Variants in GPR137 observed in about 807,000 individuals in gnomAD.
GPR137 encodes integral membrane protein GPR137.
In GPR137, 20 loss-of-function variants were observed where a neutral mutation model predicts 38.9. The ratio of observed to expected loss-of-function variants is 0.51; its 90% CI spans 0.36 to 0.75. GPR137 has a LOEUF of 0.75. GPR137 is among the 30% of genes least tolerant of loss of function. The pLI, the probability that GPR137 is intolerant of heterozygous loss-of-function variation, is 0.00. For synonymous variants in GPR137, 226 were observed against 235.8 expected (o/e 0.96, Z 0.38); for missense variants, 456 against 526.4 (o/e 0.87, Z 1.31).
At chr11:64,272,183 G>C (rs1034897653), upstream of GPR137, among the ~76,000 whole-genome samples, 8 of 152,174 alleles carry the variant, frequency 5.3e-5, no homozygotes, top group African/African-American at 1.9e-4. Flanking sequence ...GCTGGGCATA[G>C]TGGCACGTGC....
At chr11:64,277,308 G>A (rs2033142141) in intron 2 of GPR137, among the ~76,000 whole-genome samples, 1 of 152,188 alleles carries the variant, frequency 6.6e-6, no homozygotes, top group African/African-American at 2.4e-5. Flanking sequence ...TCCGCCTCCG[G>A]CACCTGTAGG....
chr11:64,286,351 G>A lies in GPR137; in HGVS notation c.-174G>A. The A allele has an allele frequency of 7.1e-7, 1 of 1,402,108 alleles. No homozygotes were observed. The highest frequency in any genetic ancestry group is 9.2e-7 in the Non-Finnish European group (1 of 1,083,790). The allele number at this position is 1,402,108 out of a possible 1,614,324, so 86.9% of individuals were successfully genotyped here. A position where few individuals can be genotyped will look rare whatever the true frequency, so the allele number is the denominator to read the frequency against. On this transcript the variant is annotated 5_prime_UTR_variant, in exon 1 of 7. Transcript: ENST00000438980. ...GGCCCAGGCTGCCTGTGTTCCCCAAGGGCAAGGGTCTCTCTGTTGAGGAGG... is the reference window on the plus strand; with the variant it reads ...GGCCCAGGCTGCCTGTGTTCCCCAAAGGCAAGGGTCTCTCTGTTGAGGAGG...
In GPR137 at chr11:64,288,122, A is replaced by G; in HGVS notation, c.691A>G (p.Ser231Gly). 1 of 1,612,644 alleles carries G rather than the reference A, an allele frequency of 6.2e-7. No individual in the cohort carries two copies. The highest frequency in any genetic ancestry group is 1.7e-5 in the Admixed American group (1 of 60,026). Residue 231 changes from serine (S) to glycine (G), a missense_variant, in exon 4 of 7, where the codon AGC becomes GGC. Physicochemically the swap from Ser to Gly is moderately conservative, Grantham distance 56. Transcript: ENST00000438980. This position sits in a 1 kb window ranked among gnomAD's most constrained non-coding sequence, Gnocchi z 5.5. ...TGGCGCCATGGTCCTGCTCTATGCC[A>G]GCCGGGCCTGCTACAACCTGACAGC... ...MGGAMVLLYA[S>G]RACYNLTALA...
chr11:64,282,988 G>A (rs573477088), upstream of GPR137, among the ~76,000 whole-genome samples: 7 of 149,612 alleles, frequency 4.7e-5, no homozygotes, highest in African/African-American at 1.3e-4. Context: ...CAGAAGTTCC[G>A]GGCTGCAGTG....
chr11:64,282,210 C>T (rs142061195), upstream of GPR137, among the ~76,000 whole-genome samples: 654 of 152,304 alleles, frequency 4.3e-3, 2 homozygotes, highest in Non-Finnish European at 4.8e-3. Context: ...TGAGCACTCA[C>T]TGTGTGGCGC....
chr11:64,276,737 C>T (rs2033094409), intron 2 of GPR137: 2 of 585,720 alleles, frequency 3.4e-6, no homozygotes, highest in Non-Finnish European at 6.1e-6. Flanking sequence ...GCCAGACTCT[C>T]CCTTCTCTGG....
At chr11:64,270,599 G>A in exon 1 of GPR137, 1 of 684,376 alleles carries the variant, frequency 1.5e-6, no homozygotes, top group Non-Finnish European at 2.7e-6. Context: ...AAAGGCCAGA[G>A]CTGGAGACCT....
upstream of GPR137, among the ~76,000 whole-genome samples, chr11:64,283,017 G>C (rs1032371408): frequency 2.6e-5 from 4 of 152,116 alleles, no homozygotes; most frequent in Non-Finnish European, 4.4e-5. Flanking sequence ...TCGCACCTCT[G>C]TACTCCCTCC....
intron 2 of GPR137, among the ~76,000 whole-genome samples, chr11:64,278,143 A>T (rs1481856816): frequency 3.3e-5 from 5 of 152,212 alleles, no homozygotes; most frequent in African/African-American, 1.2e-4. Context: ...AAAATAAAAA[A>T]ATTAGCCAGG....
At position 64,286,313 on chromosome 11, in the gene GPR137, G is replaced by A. The variant is rs956597178; in HGVS notation, c.-212G>A. The stretch of plus-strand genomic sequence containing the variant: ...AGAGACTGCCCTTCCATGCCCCTGA[G>A]TGAGGGGCCTGGGGCCCAGGCTGCC... On this transcript the variant is annotated 5_prime_UTR_variant, in exon 1 of 7. The change creates a new upstream start codon in the 5' untranslated region. Transcript: ENST00000438980. The A allele has an allele frequency of 1.4e-5, 20 of 1,402,570 alleles. No individual in the cohort carries two copies. In the Admixed American group the frequency reaches 2.2e-4, roughly 15 times the overall value. 86.9% of individuals were successfully genotyped at this position (1,402,570 alleles called of 1,614,324 possible).
At chr11:64,280,113 C>A (rs754472473), upstream of GPR137, among the ~76,000 whole-genome samples, 1 of 151,384 alleles carries the variant, frequency 6.6e-6, no homozygotes, top group Admixed American at 6.6e-5. Flanking sequence ...GTCAGGAGAT[C>A]GAGACCATCC....
upstream of GPR137, chr11:64,284,503 C>T: frequency 1.3e-6 from 2 of 1,567,830 alleles, no homozygotes; most frequent in Admixed American, 3.6e-5. Flanking sequence ...GCCTCCTGGG[C>T]CCTCATCTGT....
At chr11:64,280,513 G>A (rs1466979532), upstream of GPR137, among the ~76,000 whole-genome samples, 5 of 141,530 alleles carry the variant, frequency 3.5e-5, no homozygotes, top group East Asian at 2.3e-4. Flanking sequence ...CACCACGCCC[G>A]GCTAATTTTT....
chr11:64,282,404 C>A (rs1310280549), upstream of GPR137, among the ~76,000 whole-genome samples: 1 of 152,002 alleles, frequency 6.6e-6, no homozygotes, highest in Non-Finnish European at 1.5e-5. Context: ...GAATTCGAGA[C>A]AAGACTGGGC....
intron 2 of GPR137, among the ~76,000 whole-genome samples, chr11:64,278,702 C>T (rs1404887301): frequency 6.6e-6 from 1 of 152,226 alleles, no homozygotes; most frequent in Non-Finnish European, 1.5e-5. Context: ...CCACTGTCCA[C>T]ACCTGTTTCA....
chr11:64,287,437 A>G, intron 2 of GPR137: 1 of 690,692 alleles, frequency 1.4e-6, no homozygotes, highest in Non-Finnish European at 1.8e-6. Flanking sequence ...TTGAGAGATG[A>G]AGAAACTGAG....
In GPR137 at chr11:64,288,379, G is replaced by A. The variant is rs762903268; in HGVS notation, c.823G>A (p.Val275Ile). 5.0e-6 allele frequency: 8 copies of A among 1,613,810 alleles called. No homozygotes were observed. In the African/African-American group the frequency reaches 9.3e-5, roughly 19 times the overall value. Residue 275 changes from valine to isoleucine, a missense_variant, in exon 5 of 7, where the codon GTA becomes ATA. By Grantham distance (29) the Val-to-Ile change is conservative. Coordinates refer to ENST00000438980, the MANE Select transcript of GPR137 (RefSeq NM_001170880.2). This position sits in a 1 kb window ranked among gnomAD's most constrained non-coding sequence, Gnocchi z 5.5. ...VNDLGNKGYL[V>I]FGLILFVWEL... Reference sequence around the variant, plus strand: ...TGACCTGGGGAACAAAGGCTACCTGGTATTTGGCCTCATCCTCTTCGTGTG... The same window carrying A: ...TGACCTGGGGAACAAAGGCTACCTGATATTTGGCCTCATCCTCTTCGTGTG...
intron 2 of GPR137, among the ~76,000 whole-genome samples, chr11:64,278,125 C>T (rs1022944654): frequency 1.3e-5 from 2 of 151,982 alleles, no homozygotes; most frequent in East Asian, 1.9e-4. Flanking sequence ...CTTGTCTCTA[C>T]AAAAATTAAA....
Position 64,289,142 on chromosome 11 carries a change from G to C in GPR137, c.1137G>C (p.Gln379His), listed in dbSNP as rs2034499370. The part of the protein sequence containing the change: ...QTKTTPLLFS[Q>H]VPGPGGHHHS... Reference sequence around the variant, plus strand: ...AGACCACTCCTCTGCTCTTCTCCCAGGTGCCAGGACCAGGCGGCCACCACC... The same window carrying C: ...AGACCACTCCTCTGCTCTTCTCCCACGTGCCAGGACCAGGCGGCCACCACC... Residue 379 changes from glutamine (Q) to histidine (H), a missense_variant, in exon 7 of 7, where the codon CAG becomes CAC. Gln to His is a conservative substitution (Grantham distance 24). Coordinates refer to ENST00000438980, the MANE Select transcript of GPR137 (RefSeq NM_001170880.2). 4 of 1,613,764 alleles carry C rather than the reference G, an allele frequency of 2.5e-6. No homozygotes were observed. Among genetic ancestry groups the C allele is most frequent in the Non-Finnish European group, 3.4e-6 (4 of 1,179,882 alleles).
Sources: allele counts gnomAD v4.1 joint callset (sites outside exome capture counted in the v4.1 genomes callset), GRCh38; gene constraint gnomAD v4.1.1; non-coding constraint Gnocchi (gnomAD v3.1); transcripts MANE v1.5; gene names NCBI Gene and HGNC (gene_info 2026-07-23, HGNC 2026-07-21).